ACACA: variants seen among roughly 807,000 people sequenced by gnomAD.
ACACA encodes acetyl-CoA carboxylase alpha.
ACACA carries 103 observed loss-of-function variants against 296.1 expected under a neutral mutation model. The ratio of observed to expected loss-of-function variants is 0.35; its 90% CI spans 0.30 to 0.41. ACACA has a LOEUF of 0.41. Ranked by LOEUF, ACACA falls within the 10% of genes least tolerant of loss-of-function variation. The pLI, the probability that ACACA is intolerant of heterozygous loss-of-function variation, is 1.00. For missense variants in ACACA, 1,554 were observed against 2,989.7 expected, an observed-to-expected ratio of 0.52 and a Z score of 11.20; for synonymous variants, 953 against 1,038.6, an observed-to-expected ratio of 0.92 and a Z score of 1.58.
At position 37,338,805 on chromosome 17, in the gene ACACA, C is replaced by T. The variant is rs572606759; in HGVS notation, c.85+999G>A. Among the ~76,000 whole-genome samples the T allele has an allele frequency of 1.7e-3, 250 of 151,418 alleles. 1 individual carries two copies. The highest frequency in any genetic ancestry group is 5.6e-3 in the African/African-American group (232 of 41,308). ...AATACAAAAAATTAGCCAGGCGTGG[C>T]GGTGGGCACCTGTAATCCCAGCTAC... On this transcript the variant is annotated intron_variant, in intron 2 of 55. Coordinates refer to ENST00000616317, the MANE Select transcript of ACACA (RefSeq NM_198834.3).
chr17:37,148,504 C>T (rs2075908075), intron 45 of ACACA, among the ~76,000 whole-genome samples: 1 of 152,154 alleles, frequency 6.6e-6, no homozygotes, highest in African/African-American at 2.4e-5. Context: ...CTAATTAAAC[C>T]AATGGAATTA....
intron 1 of ACACA, among the ~76,000 whole-genome samples, chr17:37,388,499 C>T (rs1046516044): frequency 1.4e-5 from 2 of 141,476 alleles, no homozygotes. Flanking sequence ...GCTCAGCTCA[C>T]CCTCACACCC....
chr17:37,354,571 A>G (rs2049046371), intron 1 of ACACA, among the ~76,000 whole-genome samples: 1 of 152,204 alleles, frequency 6.6e-6, no homozygotes, highest in African/African-American at 2.4e-5. Flanking sequence ...CCTGTTTAAT[A>G]TCACCTTCAA....
At position 37,278,024 on chromosome 17, in the gene ACACA, T is replaced by C. The variant is rs765077118; in HGVS notation, c.611-19A>G. The stretch of plus-strand genomic sequence containing the variant: ...ATGTATTCTGAAAATGCAAGCGAAT[T>C]AATAGAGAACACATGATTTTTTTTT... On this transcript the variant is annotated intron_variant, in intron 5 of 55. Transcript: ENST00000616317. 1 of 1,573,626 alleles carries C rather than the reference T, an allele frequency of 6.4e-7. No homozygotes were observed.
At chr17:37,369,234 C>T (rs1265294246) in intron 1 of ACACA, 3 of 152,110 alleles carry the variant, frequency 2.0e-5, no homozygotes, top group Non-Finnish European at 2.9e-5. Flanking sequence ...GTGGCTCATG[C>T]CTATAATTCT....
intron 29 of ACACA, among the ~76,000 whole-genome samples, chr17:37,216,157 C>CACA (rs1332648897): frequency 4.2e-5 from 6 of 142,968 alleles, no homozygotes; most frequent in Non-Finnish European, 3.0e-5. Context: ...CACACACACA[C>CACA]AACATACACA....
intron 3 of ACACA, among the ~76,000 whole-genome samples, chr17:37,309,495 G>GA (rs1044582032): frequency 6.6e-6 from 1 of 151,848 alleles, no homozygotes; most frequent in African/African-American, 2.4e-5. Context: ...ATTGCAATGG[G>GA]AAAAAAAGGA....
intron 51 of ACACA, among the ~76,000 whole-genome samples, chr17:37,112,049 A>ACTATCTATCTAT (rs10531552): frequency 0.013 from 1,879 of 149,446 alleles, 31 homozygotes; most frequent in African/African-American, 0.04. Flanking sequence ...CTTCATCAAT[A>ACTATCTATCTAT]CTATCTATCT....
At chr17:37,109,529 A>C (rs1388753137) in intron 52 of ACACA, among the ~76,000 whole-genome samples, 1 of 152,228 alleles carries the variant, frequency 6.6e-6, no homozygotes, top group Admixed American at 6.5e-5. Flanking sequence ...AGCCTGCTTC[A>C]CATTTAGCAG....
Position 37,192,088 on chromosome 17 carries a change from A to T in ACACA, c.4416+2T>A, listed in dbSNP as rs1349876957. ...AACATCCCATTAAAGTACAGCACCC[A>T]CCTTGGTGACCAGATCAGAATGCCT... is the stretch of plus-strand genomic sequence containing the variant. On this transcript the variant is annotated splice_donor_variant, in intron 37 of 55. Coordinates refer to ENST00000616317, the MANE Select transcript of ACACA (RefSeq NM_198834.3). LOFTEE classifies it high-confidence loss of function. The T allele has an allele frequency of 6.2e-7, 1 of 1,613,824 alleles. No individual in the cohort carries two copies. The highest frequency in any genetic ancestry group is 1.3e-5 in the African/African-American group (1 of 74,858).
intron 10 of ACACA, among the ~76,000 whole-genome samples, chr17:37,264,322 G>A (rs2081647905): frequency 6.6e-6 from 1 of 152,166 alleles, no homozygotes; most frequent in Admixed American, 6.5e-5. Context: ...TTCATCTTTA[G>A]TTTTGAAGAA....
At chr17:37,117,925 C>T (rs1473545257) in intron 50 of ACACA, among the ~76,000 whole-genome samples, 2 of 152,010 alleles carry the variant, frequency 1.3e-5, no homozygotes, top group Non-Finnish European at 2.9e-5. Context: ...TGTTTGTGTG[C>T]ACTGAGGGAT....
Position 37,284,916 on chromosome 17 carries a change from T to C in ACACA, c.393A>G (p.Ile131Met). 1.2e-6 allele frequency: 2 copies of C among 1,614,226 alleles called. No individual in the cohort carries two copies. The highest frequency in any genetic ancestry group is 2.7e-5 in the African/African-American group (2 of 75,072). Residue 131 changes from isoleucine (I) to methionine (M), a missense_variant, in exon 4 of 56, where the codon ATA (isoleucine) becomes ATG (methionine). Around this residue, in one of 16 missense-constraint regions of ACACA, gnomAD observed 40 missense variants for 92.2 expected, o/e 0.43. Coordinates refer to ENST00000616317, the MANE Select transcript of ACACA (RefSeq NM_198834.3). Reference sequence around the variant, plus strand: ...CCACAGTGAAATCTCGTTGAGAATCTATTTTCTTTCTGTCTCGGCCCTGCT... The same window carrying C: ...CCACAGTGAAATCTCGTTGAGAATCCATTTTCTTTCTGTCTCGGCCCTGCT... ...LVKQGRDRKK[I>M]DSQRDFTVAS...
intron 14 of ACACA, among the ~76,000 whole-genome samples, chr17:37,253,876 A>G (rs1293245374): frequency 6.6e-6 from 1 of 152,192 alleles, no homozygotes; most frequent in Non-Finnish European, 1.5e-5. Context: ...GTGCAGTCAT[A>G]TATCAGCCTG....
At chr17:37,251,895 C>T (rs1023910737) in intron 16 of ACACA, 110 bp downstream of exon 16, 2 of 994,318 alleles carry the variant, frequency 2.0e-6, no homozygotes, top group Middle Eastern at 4.1e-4. Flanking sequence ...TAACAAGTAG[C>T]ACTCATAAGC....
chr17:37,096,248 C>T (rs991980662), intron 54 of ACACA, among the ~76,000 whole-genome samples: 22 of 152,124 alleles, frequency 1.4e-4, no homozygotes, highest in African/African-American at 5.1e-4. Context: ...GAGTGGTTTC[C>T]GACAGGCCTC....
At chr17:37,109,994 G>A (rs1249924133) in intron 52 of ACACA, among the ~76,000 whole-genome samples, 1 of 151,818 alleles carries the variant, frequency 6.6e-6, no homozygotes, top group East Asian at 1.9e-4. Flanking sequence ...AATGGAGTGC[G>A]CGAAATATCA....
chr17:37,123,148 C>T (rs1285800200), intron 48 of ACACA, among the ~76,000 whole-genome samples: 1 of 152,064 alleles, frequency 6.6e-6, no homozygotes, highest in Non-Finnish European at 1.5e-5. Flanking sequence ...ATAGGTCTTA[C>T]TATTAGGTGT....
intron 54 of ACACA, among the ~76,000 whole-genome samples, chr17:37,091,873 G>A (rs551963041): frequency 6.6e-6 from 1 of 152,184 alleles, no homozygotes; most frequent in South Asian, 2.1e-4. Context: ...ACTGTGCCCA[G>A]CCAGAGCCTA....
Sources: allele counts gnomAD v4.1 joint callset (sites outside exome capture counted in the v4.1 genomes callset), GRCh38; gene constraint gnomAD v4.1.1; regional missense constraint gnomAD v4.1.1; transcripts MANE v1.5; gene names NCBI Gene and HGNC (gene_info 2026-07-23, HGNC 2026-07-21).